ENKUR: variants seen among roughly 807,000 people sequenced by gnomAD.
ENKUR encodes enkurin.
Under a neutral mutation model 27.6 loss-of-function variants are expected in ENKUR, and 19 were observed. The observed-to-expected ratio is 0.69, with a 90% CI of 0.48 to 1.01. ENKUR has a LOEUF of 1.01. ENKUR is among the 50% of genes least tolerant of loss of function. The probability of loss-of-function intolerance (pLI) is 0.00; values close to 1 mark genes in which losing one functional copy is unlikely to be tolerated. For missense variants in ENKUR, 312 were observed against 310.5 expected (o/e 1.00, Z -0.04); for synonymous variants, 117 against 96.9 (o/e 1.21, Z -1.22).
chr10:24,999,669 A>G, intron 1 of ENKUR, 123 bp from the exon 2 acceptor site: 1 of 875,858 alleles, frequency 1.1e-6, no homozygotes, highest in Admixed American at 2.9e-5. Context: ...GAAAAGCATA[A>G]TCATAAAACA....
chr10:25,029,457 A>T (rs1246326633), intron 2 of ENKUR, among the ~76,000 whole-genome samples: 1 of 152,104 alleles, frequency 6.6e-6, no homozygotes, highest in East Asian at 1.9e-4. Flanking sequence ...TTTAATAGCA[A>T]TTCACTTTCA....
rs112899740 is a variant in ENKUR at position 25,059,827 on chromosome 10, C to CA, written c.37+1284dup. Among the ~76,000 whole-genome samples, 164 of 128,418 alleles carry CA rather than the reference C, an allele frequency of 1.3e-3. 2 individuals carry two copies. The highest frequency in any genetic ancestry group is 2.7e-3 in the African/African-American group (95 of 35,374). 84.2% of individuals were successfully genotyped at this position (128,418 alleles called of 152,430 possible). ...TGACAGTGCAAGACCAGTCTCTTAACAAAAAAAAAAAGAAGGAAAGAAATT... is the reference window on the plus strand; with the variant it reads ...TGACAGTGCAAGACCAGTCTCTTAACAAAAAAAAAAAAGAAGGAAAGAAATT... On this transcript the variant is annotated intron_variant, in intron 2 of 5. Transcript: ENST00000615958.
rs780164466 is a variant in ENKUR at position 25,023,954 on chromosome 10, A to C, written c.38-28085T>G. On this transcript the variant is annotated intron_variant, in intron 2 of 5. Transcript: ENST00000615958. The stretch of plus-strand genomic sequence containing the variant: ...CACGTTTGGCCTGAAGACTGTGAAC[A>C]GAAGGTTTCAGCAAAATTCTTTAGT... 1.2e-5 allele frequency: 19 copies of C among 1,614,216 alleles called. No individual in the cohort carries two copies. The Admixed American group carries it at 3.2e-4, about 27-fold the overall frequency.
intron 2 of ENKUR, among the ~76,000 whole-genome samples, chr10:25,055,146 CCCCCCACTAAAATCA>C (rs1851238983): frequency 6.6e-6 from 1 of 152,078 alleles, no homozygotes; most frequent in South Asian, 2.1e-4. Flanking sequence ...GCCACCATTT[CCCCCCACTAAAATCA>C]CCAAGAATCA....
chr10:25,017,115 T>C (rs565432215), upstream of ENKUR, among the ~76,000 whole-genome samples: 1 of 152,340 alleles, frequency 6.6e-6, no homozygotes, highest in East Asian at 1.9e-4. Flanking sequence ...CTCTAGGTCG[T>C]TCTCCAGGAA....
chr10:25,053,079 A>T (rs199626608), intron 2 of ENKUR, among the ~76,000 whole-genome samples: 35,573 of 146,090 alleles, frequency 0.24, 5,203 homozygotes, highest in East Asian at 0.47. Context: ...TGTCTCTTTA[A>T]AAAAAAAAAA....
upstream of ENKUR, among the ~76,000 whole-genome samples, chr10:25,016,941 G>C (rs961791250): frequency 6.6e-6 from 1 of 152,164 alleles, no homozygotes; most frequent in Non-Finnish European, 1.5e-5. Flanking sequence ...GAGGCTCCTC[G>C]GAACGCCGCG....
At chr10:25,001,973 T>G (rs1850197335) in intron 1 of ENKUR, among the ~76,000 whole-genome samples, 1 of 152,212 alleles carries the variant, frequency 6.6e-6, no homozygotes, top group African/African-American at 2.4e-5. Context: ...TTCTCTTCTT[T>G]TTCTCTTTCT....
intron 1 of ENKUR, among the ~76,000 whole-genome samples, chr10:25,007,293 C>T (rs1850333495): frequency 6.6e-6 from 1 of 152,118 alleles, no homozygotes; most frequent in Non-Finnish European, 1.5e-5. Flanking sequence ...TATACATTTC[C>T]CTGGCAACTG....
intron 2 of ENKUR, chr10:25,025,096 C>T (rs1193889626): frequency 6.2e-7 from 1 of 1,614,038 alleles, no homozygotes; most frequent in Non-Finnish European, 8.5e-7. Flanking sequence ...GGGAGAGTGC[C>T]TAGCAGCTAT....
At position 24,995,821 on chromosome 10, in the gene ENKUR, T is replaced by TC; in HGVS notation, c.271_272insG (p.Lys91ArgfsTer3). ...TATTCCCATGACAGGATGATCAGTC[T>TC]TCAATGGCACAGCAGGCTTTTTGGG... On this transcript the variant is annotated frameshift_variant, in exon 3 of 6. Transcript: ENST00000331161. LOFTEE classifies it high-confidence loss of function. 1 of 1,613,754 alleles carries TC rather than the reference T, an allele frequency of 6.2e-7. No homozygotes were observed. Among genetic ancestry groups the TC allele is most frequent in the Admixed American group, 1.7e-5 (1 of 59,982 alleles).
At chr10:25,047,354 G>T (rs1851132252) in intron 2 of ENKUR, among the ~76,000 whole-genome samples, 1 of 152,188 alleles carries the variant, frequency 6.6e-6, no homozygotes, top group Admixed American at 6.6e-5. Context: ...GGCAGGGAAA[G>T]CATGAATAAT....
chr10:24,994,184 G>C (rs1849989483), intron 3 of ENKUR, among the ~76,000 whole-genome samples: 2 of 152,012 alleles, frequency 1.3e-5, no homozygotes, highest in African/African-American at 4.8e-5. Flanking sequence ...TTAGGTCCCT[G>C]TACATCACTA....
At chr10:25,033,560 T>C (rs1337615435) in intron 2 of ENKUR, among the ~76,000 whole-genome samples, 3 of 152,128 alleles carry the variant, frequency 2.0e-5, no homozygotes, top group African/African-American at 7.2e-5. Context: ...TTCCCAAACT[T>C]CTTTATCAAG....
chr10:24,995,897 T>A, intron 2 of ENKUR, 28 bp from the exon 3 acceptor site: 9 of 1,560,162 alleles, frequency 5.8e-6, no homozygotes, highest in Non-Finnish European at 7.8e-6. Context: ...TCTTTGTTAA[T>A]ATTAAACTAC....
At chr10:25,061,021 T>C (rs901306799) in intron 2 of ENKUR, 51 of 1,293,274 alleles carry the variant, frequency 3.9e-5, no homozygotes, top group Non-Finnish European at 2.8e-5. Context: ...GCCCTTATGT[T>C]TCTTTAGATG....
chr10:25,048,115 G>T (rs1458886426), intron 2 of ENKUR, among the ~76,000 whole-genome samples: 1 of 152,096 alleles, frequency 6.6e-6, no homozygotes, highest in African/African-American at 2.4e-5. Flanking sequence ...GAGAGTGTCT[G>T]TGGGAAAAAT....
At chr10:25,045,144 C>A (rs1851108766) in intron 2 of ENKUR, among the ~76,000 whole-genome samples, 1 of 152,112 alleles carries the variant, frequency 6.6e-6, no homozygotes, top group Non-Finnish European at 1.5e-5. Context: ...TGGTCCATTA[C>A]CTTTAAGAGG....
At chr10:25,006,719 T>C (rs1850321480) in intron 1 of ENKUR, among the ~76,000 whole-genome samples, 1 of 152,164 alleles carries the variant, frequency 6.6e-6, no homozygotes, top group South Asian at 2.1e-4. Flanking sequence ...TATCAAAAAC[T>C]AAACAATTAT....
Sources: allele counts gnomAD v4.1 joint callset (sites outside exome capture counted in the v4.1 genomes callset), GRCh38; gene constraint gnomAD v4.1.1; transcripts MANE v1.5; gene names NCBI Gene and HGNC (gene_info 2026-07-23, HGNC 2026-07-21).